The following KRI1 variants were observed in gnomAD, a reference collection of about 807,000 sequenced individuals.
KRI1 encodes the protein protein KRI1 homolog.
KRI1 carries 83 observed loss-of-function variants against 97.0 expected under a neutral mutation model. The observed-to-expected ratio is 0.86, with a 90% CI of 0.72 to 1.03. The LOEUF (loss-of-function observed/expected upper bound fraction) is 1.03. KRI1 is among the 50% of genes least tolerant of loss of function. The pLI is 0.00. For missense variants in KRI1, 916 were observed against 928.4 expected, an observed-to-expected ratio of 0.99 and a Z score of 0.17; for synonymous variants, 371 against 363.5, an observed-to-expected ratio of 1.02 and a Z score of -0.23.
rs1042527971 is a variant in KRI1 at position 10,555,477 on chromosome 19, G to C, written c.1618-128C>G. 6 of 941,078 alleles carry C rather than the reference G, an allele frequency of 6.4e-6. No individual in the cohort carries two copies. The Admixed American group carries it at 9.5e-5, about 15-fold the overall frequency. 58.3% of individuals were successfully genotyped at this position (941,078 alleles called of 1,614,324 possible). ...CCCAGCAGGGTTGCCATGATGGCCA[G>C]AGACAGCTGATCTCTACAGAGGCCA... On this transcript the variant is annotated intron_variant, in intron 16 of 18. Coordinates refer to ENST00000312962, the MANE Select transcript of KRI1 (RefSeq NM_023008.5).
intron 1 of KRI1, 25 bp from the exon 2 acceptor site, chr19:10,565,815 C>CCG (rs1555750208): frequency 1.2e-5 from 18 of 1,551,808 alleles, no homozygotes; most frequent in Admixed American, 1.9e-5. Flanking sequence ...CGGGATGCCC[C>CCG]CCCCCAGGTC....
chr19:10,565,416 C>G, intron 2 of KRI1: 1 of 511,714 alleles, frequency 2.0e-6, no homozygotes, highest in Non-Finnish European at 3.4e-6. Flanking sequence ...AAGGAGTACA[C>G]TAAAAAATGG....
chr19:10,556,391 G>A (rs1231539501), intron 16 of KRI1, among the ~76,000 whole-genome samples: 1 of 152,158 alleles, frequency 6.6e-6, no homozygotes, highest in Non-Finnish European at 1.5e-5. Context: ...ATATTGGCTG[G>A]GCCTGGTGGC....
Position 10,561,650 on chromosome 19 carries a change from C to A in KRI1, c.488+17G>T. 1 of 1,613,210 alleles carries A rather than the reference C, an allele frequency of 6.2e-7. No homozygotes were observed. On this transcript the variant is annotated intron_variant, in intron 6 of 18. Coordinates refer to ENST00000312962, the MANE Select transcript of KRI1 (RefSeq NM_023008.5). ...CAACTTTCCTCCATTGGGCCATTCC[C>A]GCCCACCCAGCCTCACCTTTCCTTG...
chr19:10,553,244 C>T lies in KRI1; in HGVS notation c.*707G>A. 1 of 804,852 alleles carries T rather than the reference C, an allele frequency of 1.2e-6. No homozygotes were observed. The highest frequency in any genetic ancestry group is 2.3e-5 in the South Asian group (1 of 43,856). The allele number at this position is 804,852 out of a possible 1,614,324, so 49.9% of individuals were successfully genotyped here. A position where few individuals can be genotyped will look rare whatever the true frequency, so the allele number is the denominator to read the frequency against. On this transcript the variant is annotated 3_prime_UTR_variant, in exon 19 of 19. Transcript: ENST00000312962. ...GGACAGAGCCCACAGAGCCCATACACCTGTCTCCCACCAGCGGGGCCCTCC... is the reference window on the plus strand; with the variant it reads ...GGACAGAGCCCACAGAGCCCATACATCTGTCTCCCACCAGCGGGGCCCTCC...
chr19:10,555,292 T>C lies in KRI1; in HGVS notation c.1675A>G (p.Met559Val). 1 of 1,507,592 alleles carries C rather than the reference T, an allele frequency of 6.6e-7. No individual in the cohort carries two copies. The highest frequency in any genetic ancestry group is 8.9e-7 in the Non-Finnish European group (1 of 1,122,884). The allele number at this position is 1,507,592 out of a possible 1,614,324, so 93.4% of individuals were successfully genotyped here. A position where few individuals can be genotyped will look rare whatever the true frequency, so the allele number is the denominator to read the frequency against. ...NRWCSLKKTC[M>V]YRSEQEELRD... ...CGCGCCCCGCCCCATCACCTGTACA[T>C]GCAGGTCTTCTTTAGGGAGCACCAC... The change falls in exon 17 of 19, where the codon ATG (methionine) becomes GTG (valine). Residue 559 changes from methionine (M) to valine (V), a missense_variant. This residue lies in a region of KRI1 where 672 missense variants were observed against 667.2 expected (regional missense o/e 1.01). Coordinates refer to ENST00000312962, the MANE Select transcript of KRI1 (RefSeq NM_023008.5).
At chr19:10,557,073 G>A (rs1599530849) in intron 16 of KRI1, among the ~76,000 whole-genome samples, 1 of 151,804 alleles carries the variant, frequency 6.6e-6, no homozygotes, top group East Asian at 1.9e-4. Flanking sequence ...TACCTTTGAG[G>A]TGAGGTAATG....
In KRI1 at chr19:10,559,495, A is replaced by G; in HGVS notation, c.1058T>C (p.Leu353Pro). The change falls in exon 12 of 19, where the codon CTG becomes CCG. Residue 353 changes from leucine (L) to proline (P), a missense_variant. Physicochemically the swap from Leu to Pro is moderately conservative, Grantham distance 98 (BLOSUM62 -3). Transcript: ENST00000312962. ...KAKKQEELKQ[L>P]KNLKRKEILA... Reference sequence around the variant, plus strand: ...AATCTCCTTCCTCTTCAGGTTCTTCAGCTGCTTGAGCTCTTCCTGCTTCTT... The same window carrying G: ...AATCTCCTTCCTCTTCAGGTTCTTCGGCTGCTTGAGCTCTTCCTGCTTCTT... The G allele has an allele frequency of 6.2e-7, 1 of 1,613,856 alleles. No homozygotes were observed. Among genetic ancestry groups the G allele is most frequent in the Non-Finnish European group, 8.5e-7 (1 of 1,179,982 alleles).
intron 8 of KRI1, among the ~76,000 whole-genome samples, chr19:10,560,658 C>T (rs1221814822): frequency 6.6e-6 from 1 of 152,162 alleles, no homozygotes; most frequent in Non-Finnish European, 1.5e-5. Context: ...CCCAACCTCC[C>T]GGGCTCACAA....
intron 16 of KRI1, among the ~76,000 whole-genome samples, chr19:10,556,794 C>T (rs1055672026): frequency 5.9e-5 from 9 of 151,524 alleles, no homozygotes; most frequent in African/African-American, 1.7e-4. Flanking sequence ...GAGTTCGAGA[C>T]CAGCCTGCAC....
chr19:10,564,780 C>A, intron 3 of KRI1, 149 bp downstream of exon 3: 1 of 690,108 alleles, frequency 1.4e-6, no homozygotes, highest in Non-Finnish European at 2.6e-6. Context: ...TTAAAACAGC[C>A]CTGAGGGGAG....
chr19:10,557,734 C>G, intron 15 of KRI1, 35 bp downstream of exon 15: 3 of 1,613,958 alleles, frequency 1.9e-6, no homozygotes, highest in Non-Finnish European at 1.7e-6. Context: ...CGCGGTGCCC[C>G]CTGCCTACCC....
In KRI1 at chr19:10,561,820, C is replaced by CT. The variant is rs1382928333; in HGVS notation, c.408dup (p.Asp137ArgfsTer36). On this transcript the variant is annotated frameshift_variant, in exon 5 of 19. Transcript: ENST00000312962. LOFTEE classifies it high-confidence loss of function. ...AGTCTGTGATTGGAAGTCTCCCCGT[C>CT]TGAGTTCTCCTCATCAACATATTTG... is the stretch of plus-strand genomic sequence containing the variant. 6.2e-6 allele frequency: 10 copies of CT among 1,613,878 alleles called. No individual in the cohort carries two copies. Among genetic ancestry groups the CT allele is most frequent in the East Asian group, 2.2e-5 (1 of 44,886 alleles).
intron 16 of KRI1, among the ~76,000 whole-genome samples, chr19:10,556,207 G>A (rs1459505261): frequency 6.6e-6 from 1 of 152,130 alleles, no homozygotes; most frequent in African/African-American, 2.4e-5. Context: ...CAAGTAGCTA[G>A]GACTAGATCT....
In KRI1 at chr19:10,554,004, G is replaced by A. The variant is rs779884083; in HGVS notation, c.2059C>T (p.Arg687Cys). 1.1e-5 allele frequency: 17 copies of A among 1,612,870 alleles called. No homozygotes were observed. The highest frequency in any genetic ancestry group is 6.7e-5 in the Admixed American group (4 of 59,794). Residue 687 changes from arginine (R) to cysteine (C), a missense_variant, in exon 19 of 19, where the codon CGC (arginine) becomes TGC (cysteine). Physicochemically the swap from Arg to Cys is radical, Grantham distance 180 (BLOSUM62 -3). This residue lies in a region of KRI1 where 672 missense variants were observed against 667.2 expected (regional missense o/e 1.01). Coordinates refer to ENST00000312962, the MANE Select transcript of KRI1 (RefSeq NM_023008.5). ...FGLNPKRLHF[R>C]QLGRQRRKQQ... ...TTCCTCCGCTGCCGGCCCAGCTGGC[G>A]GAAGTGCAGCCGTTTGGGGTTGAGG...
intron 3 of KRI1, among the ~76,000 whole-genome samples, chr19:10,564,607 A>T (rs916893164): frequency 3.9e-5 from 6 of 152,196 alleles, no homozygotes; most frequent in Admixed American, 6.6e-5. Flanking sequence ...AGTTGGAATC[A>T]TTCAGTCAGC....
chr19:10,561,725 A>G lies in KRI1; in HGVS notation c.439-9T>C, dbSNP rs754281661. 1.9e-6 allele frequency: 3 copies of G among 1,613,920 alleles called. No homozygotes were observed. In the Admixed American group the frequency reaches 5.0e-5, roughly 27 times the overall value. ...CTTTGCGACGATGTCTCCTGCAGAG[A>G]GGGCCATAGGTCTCAGGCCAGCCCC... On this transcript the variant is annotated splice_polypyrimidine_tract_variant and intron_variant, in intron 5 of 18. Transcript: ENST00000312962.
At chr19:10,561,987 C>T in intron 4 of KRI1, 142 bp from the exon 5 acceptor site, 1 of 682,446 alleles carries the variant, frequency 1.5e-6, no homozygotes, top group East Asian at 2.6e-5. Context: ...GCTCTCAGGG[C>T]TATCTGCGAT....
chr19:10,555,248 C>CAGCGCACCTGGCTCCGCCCTGCCCT (rs774146115), intron 17 of KRI1, 37 bp downstream of exon 17: 1 of 799,826 alleles, frequency 1.3e-6, no homozygotes, highest in South Asian at 2.1e-5. Context: ...CGCCCTGCCC[C>CAGCGCACCTGGCTCCGCCCTGCCCT]CTGCGCATGT....
Sources: allele counts gnomAD v4.1 joint callset (sites outside exome capture counted in the v4.1 genomes callset), GRCh38; gene constraint gnomAD v4.1.1; regional missense constraint gnomAD v4.1.1; transcripts MANE v1.5; gene names NCBI Gene and HGNC (gene_info 2026-07-23, HGNC 2026-07-21).